Variants in CEP350 observed in about 807,000 individuals in gnomAD.
CEP350 encodes centrosomal protein 350.
CEP350 carries 126 observed loss-of-function variants against 331.8 expected under a neutral mutation model. The observed-to-expected ratio is 0.38, with a 90% confidence interval of 0.33 to 0.44. The LOEUF is 0.44. CEP350 is among the 20% of genes least tolerant of loss of function. CEP350 has a pLI of 1.00. For synonymous variants in CEP350, 1,200 were observed against 1,259.5 expected (o/e 0.95, Z 1.00); for missense variants, 3,406 against 3,634.6 (o/e 0.94, Z 1.62).
intron 25 of CEP350, 61 bp from the exon 26 acceptor site, chr1:180,062,159 A>G: frequency 7.3e-7 from 1 of 1,369,784 alleles, no homozygotes; most frequent in Non-Finnish European, 9.5e-7. Context: ...TTTTTTTTAA[A>G]TATTACTTTG....
intron 30 of CEP350, among the ~76,000 whole-genome samples, chr1:180,081,551 G>A (rs2149087730): frequency 6.6e-6 from 1 of 152,326 alleles, no homozygotes; most frequent in East Asian, 1.9e-4. Flanking sequence ...TATGCTCTGA[G>A]AAATGTGTCA....
chr1:180,106,065 T>A (rs1451993640), intron 37 of CEP350, among the ~76,000 whole-genome samples: 1 of 152,254 alleles, frequency 6.6e-6, no homozygotes, highest in Non-Finnish European at 1.5e-5. Flanking sequence ...TTGAGCTATT[T>A]TTAGCAGTAC....
chr1:180,096,032 A>T lies in CEP350; in HGVS notation c.8920-6A>T. The stretch of plus-strand genomic sequence containing the variant: ...GTTTTGTTTTGTTTTGTTTTTCTCT[A>T]TCAAGGCGGTTTTTGATTTAACAAA... On this transcript the variant is annotated splice_polypyrimidine_tract_variant and splice_region_variant and intron_variant, in intron 35 of 37. Transcript: ENST00000367607. The T allele has an allele frequency of 6.4e-7, 1 of 1,551,318 alleles. No homozygotes were observed. The highest frequency in any genetic ancestry group is 8.7e-7 in the Non-Finnish European group (1 of 1,147,596).
At chr1:180,030,424 G>A (rs971270553) in intron 14 of CEP350, among the ~76,000 whole-genome samples, 2 of 150,330 alleles carry the variant, frequency 1.3e-5, no homozygotes, top group African/African-American at 4.9e-5. Flanking sequence ...ATGCAGTTTT[G>A]TAATCTGCTT....
At chr1:179,983,850 G>A (rs1652461422) in intron 1 of CEP350, among the ~76,000 whole-genome samples, 1 of 152,086 alleles carries the variant, frequency 6.6e-6, no homozygotes, top group South Asian at 2.1e-4. Flanking sequence ...TAGGTACGTG[G>A]GCAAAGGATA....
At position 179,996,490 on chromosome 1, in the gene CEP350, C is replaced by A. The variant is rs1329501430; in HGVS notation, c.396-63C>A. The A allele has an allele frequency of 6.8e-6, 8 of 1,182,548 alleles. No homozygotes were observed. The East Asian group carries it at 1.8e-4, about 27-fold the overall frequency. 73.3% of individuals were successfully genotyped at this position (1,182,548 alleles called of 1,614,324 possible). A position where few individuals can be genotyped will look rare whatever the true frequency, so the allele number is the denominator to read the frequency against. On this transcript the variant is annotated intron_variant, in intron 5 of 37. Transcript: ENST00000367607. The stretch of plus-strand genomic sequence containing the variant: ...GAGAACACTTAAAATCTACTCTTAG[C>A]AATTTTCAAGTATACAATATATTAT...
At chr1:179,968,713 A>G (rs1651204502) in intron 1 of CEP350, 3 of 569,782 alleles carry the variant, frequency 5.3e-6, no homozygotes, top group African/African-American at 1.9e-5. Context: ...TGCAGGAGGA[A>G]CCCACTTAGA....
chr1:180,100,262 G>A (rs1310390998), intron 37 of CEP350, among the ~76,000 whole-genome samples: 1 of 152,218 alleles, frequency 6.6e-6, no homozygotes, highest in Non-Finnish European at 1.5e-5. Context: ...ATTCAAAGAT[G>A]TTAAGTGACT....
intron 32 of CEP350, 35 bp from the exon 33 acceptor site, chr1:180,090,679 A>G: frequency 6.6e-7 from 1 of 1,504,410 alleles, no homozygotes; most frequent in Non-Finnish European, 8.9e-7. Flanking sequence ...TTATAGTAAT[A>G]TGTTTATTTC....
chr1:180,032,728 A>G (rs1656102279), intron 15 of CEP350, among the ~76,000 whole-genome samples: 1 of 151,788 alleles, frequency 6.6e-6, no homozygotes, highest in Admixed American at 6.6e-5. Flanking sequence ...TTGGAAATAT[A>G]CTTTTAGAAA....
chr1:180,087,639 C>A lies in CEP350; in HGVS notation c.6347C>A (p.Pro2116Gln). 6.4e-7 allele frequency: 1 copy of A among 1,560,510 alleles called. No individual in the cohort carries two copies. Among genetic ancestry groups the A allele is most frequent in the Middle Eastern group, 1.7e-4 (1 of 5,984 alleles). The change falls in exon 32 of 38, where the codon CCA (proline) becomes CAA (glutamine). Residue 2116 changes from proline (P) to glutamine (Q), a missense_variant. Pro to Gln is a moderately conservative substitution (Grantham distance 76). Around this residue, in one of 5 missense-constraint regions of CEP350, gnomAD observed 1,415 missense variants for 1,512.3 expected, o/e 0.94. Transcript: ENST00000367607. ...CTTAGCCAAGATTTGGAAACATCAC[C>A]AACAGCCAAGCCTCAGATTAAAACG... ...AELSQDLETSPTAKPQIKTLS... is the reference protein window; with the variant it reads ...AELSQDLETSQTAKPQIKTLS...
rs1422805133 is a variant in CEP350 at position 180,020,931 on chromosome 1, C to T, written c.3157C>T (p.Pro1053Ser). The T allele has an allele frequency of 1.2e-6, 2 of 1,604,032 alleles. No homozygotes were observed. The highest frequency in any genetic ancestry group is 1.7e-6 in the Non-Finnish European group (2 of 1,177,664). The stretch of plus-strand genomic sequence containing the variant: ...CATAGGTGGTACACAAAGCAAAGGA[C>T]CATGGGAAGAATTGGCAAAGGGAAG... ...GHIGGTQSKG[P>S]WEELAKGSPH... Residue 1053 changes from proline to serine, a missense_variant, in exon 12 of 38, where the codon CCA becomes TCA. Coordinates refer to ENST00000367607, the MANE Select transcript of CEP350 (RefSeq NM_014810.5).
chr1:179,995,640 A>G (rs1341803222), intron 5 of CEP350, among the ~76,000 whole-genome samples: 1 of 152,196 alleles, frequency 6.6e-6, no homozygotes, highest in Non-Finnish European at 1.5e-5. Flanking sequence ...AGTAAGGCTT[A>G]TTAGAATGAC....
Position 180,093,857 on chromosome 1 carries a change from A to G in CEP350, c.7752A>G (p.Ser2584=). 6.2e-7 allele frequency: 1 copy of G among 1,613,948 alleles called. No individual in the cohort carries two copies. The highest frequency in any genetic ancestry group is 8.5e-7 in the Non-Finnish European group (1 of 1,179,868). Residue 2584 remains serine, a synonymous_variant, in exon 34 of 38, where the codon TCA becomes TCG. Coordinates refer to ENST00000367607, the MANE Select transcript of CEP350 (RefSeq NM_014810.5). ...TTAATGAAGATGAAGACTGTTACTC[A>G]GATGAACGATATCAGTGCTATAATC... is the stretch of plus-strand genomic sequence containing the variant. ...VDINEDEDCY[S]DERYQCYNQE...
intron 37 of CEP350, among the ~76,000 whole-genome samples, chr1:180,106,194 T>A (rs1021349115): frequency 6.6e-6 from 1 of 152,230 alleles, no homozygotes; most frequent in African/African-American, 2.4e-5. Context: ...GCACCTAAGA[T>A]GACAAATCTT....
chr1:180,029,488 A>G (rs926732158), intron 14 of CEP350, among the ~76,000 whole-genome samples: 9 of 152,304 alleles, frequency 5.9e-5, no homozygotes, highest in Admixed American at 5.2e-4. Flanking sequence ...GATTAATAAT[A>G]TTCTGTTTTA....
intron 37 of CEP350, among the ~76,000 whole-genome samples, chr1:180,104,527 G>A (rs1661033905): frequency 1.3e-5 from 2 of 152,260 alleles, no homozygotes; most frequent in African/African-American, 4.8e-5. Context: ...TATAAATGGA[G>A]AGAATGGCAT....
chr1:180,030,547 T>C (rs1655961852), intron 14 of CEP350, among the ~76,000 whole-genome samples: 2 of 151,920 alleles, frequency 1.3e-5, no homozygotes, highest in African/African-American at 4.8e-5. Context: ...ATTTCTGCTG[T>C]TGATCAGAGC....
intron 17 of CEP350, among the ~76,000 whole-genome samples, chr1:180,040,261 A>G (rs1227626205): frequency 6.6e-6 from 1 of 152,084 alleles, no homozygotes; most frequent in Middle Eastern, 3.2e-3. Flanking sequence ...AACTTTGTTG[A>G]TAGTCATTTT....
Sources: allele counts gnomAD v4.1 joint callset (sites outside exome capture counted in the v4.1 genomes callset), GRCh38; gene constraint gnomAD v4.1.1; regional missense constraint gnomAD v4.1.1; transcripts MANE v1.5; gene names NCBI Gene and HGNC (gene_info 2026-07-23, HGNC 2026-07-21).